The following RGS6 variants were observed in gnomAD, a reference collection of about 807,000 sequenced individuals.
The protein encoded by RGS6 is regulator of G-protein signaling 6.
RGS6 carries 30 observed loss-of-function variants against 78.5 expected under a neutral mutation model. The observed-to-expected ratio is 0.38, with a 90% CI of 0.29 to 0.52. RGS6 has a LOEUF of 0.52. Ranked by LOEUF, RGS6 falls within the 20% of genes least tolerant of loss-of-function variation. The pLI is 0.85. For missense variants in RGS6, 495 were observed against 609.7 expected, an observed-to-expected ratio of 0.81 and a Z score of 1.98; for synonymous variants, 206 against 206.0, an observed-to-expected ratio of 1.00 and a Z score of 0.00.
chr14:72,162,750 G>A (rs2096870422), intron 2 of RGS6, among the ~76,000 whole-genome samples: 1 of 151,924 alleles, frequency 6.6e-6, no homozygotes, highest in African/African-American at 2.4e-5. Flanking sequence ...CAGTCCAAAT[G>A]CCCATCAATC....
intron 3 of RGS6, among the ~76,000 whole-genome samples, chr14:72,370,284 C>T (rs1343635931): frequency 6.6e-6 from 1 of 152,136 alleles, no homozygotes; most frequent in Non-Finnish European, 1.5e-5. Context: ...GCCCTGGGGA[C>T]ATTTGGTAAT....
chr14:72,032,664 C>A (rs1012305891), intron 2 of RGS6, among the ~76,000 whole-genome samples: 1 of 152,050 alleles, frequency 6.6e-6, no homozygotes, highest in African/African-American at 2.4e-5. Flanking sequence ...TCTAAAATTT[C>A]GACTACTTAA....
Position 72,281,704 on chromosome 14 carries a change from T to C in RGS6, c.85-70391T>C, listed in dbSNP as rs141863876. The stretch of plus-strand genomic sequence containing the variant: ...CTCTGAAAATCTGGAGGAAGCCCTT[T>C]CTAGGAGAAGGAACACACAAGCAAA... On this transcript the variant is annotated intron_variant, in intron 2 of 17. Transcript: ENST00000553525. 4.5e-3 allele frequency among the ~76,000 whole-genome samples: 688 copies of C among 152,250 alleles called. 6 individuals carry two copies. The highest frequency in any genetic ancestry group is 0.016 in the African/African-American group (665 of 41,536).
intron 17 of RGS6, among the ~76,000 whole-genome samples, chr14:72,552,236 T>G (rs1046601383): frequency 4.6e-5 from 7 of 152,222 alleles, no homozygotes; most frequent in Non-Finnish European, 8.8e-5. Flanking sequence ...ATTTTTAAAG[T>G]CAACTCAGAG....
intron 2 of RGS6, among the ~76,000 whole-genome samples, chr14:72,146,734 T>C (rs2096611816): frequency 2.0e-5 from 3 of 152,232 alleles, no homozygotes; most frequent in African/African-American, 7.2e-5. Flanking sequence ...ACATGCTTTT[T>C]TCATTCTTTA....
the RGS6 span, among the ~76,000 whole-genome samples, chr14:71,893,492 CA>C: frequency 6.6e-6 from 1 of 152,132 alleles, no homozygotes; most frequent in Admixed American, 6.6e-5. Context: ...GCTTTGTCAT[CA>C]AAAGACCACC....
chr14:72,471,218 A>AT (rs963770557), intron 8 of RGS6, among the ~76,000 whole-genome samples: 10 of 152,220 alleles, frequency 6.6e-5, no homozygotes, highest in Admixed American at 2.6e-4. Flanking sequence ...TTTTTCCCAG[A>AT]TTTTTTTCTC....
At chr14:71,964,485 A>T (rs904678248) in intron 1 of RGS6, among the ~76,000 whole-genome samples, 1 of 152,170 alleles carries the variant, frequency 6.6e-6, no homozygotes, top group Non-Finnish European at 1.5e-5. Flanking sequence ...TAGCCTGGGC[A>T]ATAAGAGCGA....
At chr14:72,572,210 G>T in the RGS6 span, among the ~76,000 whole-genome samples, 2 of 152,164 alleles carry the variant, frequency 1.3e-5, no homozygotes, top group African/African-American at 4.8e-5. Context: ...GTAAAATGCT[G>T]CAGCCGCTTT....
intron 2 of RGS6, among the ~76,000 whole-genome samples, chr14:72,052,971 TTCTTTCTTTCTTTCTCTCTC>T (rs1363307388): frequency 4.2e-4 from 21 of 50,540 alleles, no homozygotes; most frequent in African/African-American, 2.2e-3. Flanking sequence ...CTTTCTTTCT[TTCTTTCTTTCTTTCTCTCTC>T]TCTCTCTCTC....
the RGS6 span, among the ~76,000 whole-genome samples, chr14:71,881,430 G>T: frequency 1.3e-5 from 2 of 152,198 alleles, no homozygotes; most frequent in Non-Finnish European, 2.9e-5. Flanking sequence ...ATCTTGTATT[G>T]TAGCTCCCAT....
intron 2 of RGS6, among the ~76,000 whole-genome samples, chr14:72,022,205 T>C (rs144149501): frequency 6.6e-6 from 1 of 152,312 alleles, no homozygotes; most frequent in East Asian, 1.9e-4. Flanking sequence ...CTCCACCATG[T>C]CTTTGCTATT....
the RGS6 span, among the ~76,000 whole-genome samples, chr14:71,915,256 CAA>C: frequency 8.0e-6 from 1 of 125,282 alleles, no homozygotes; most frequent in African/African-American, 2.9e-5. Flanking sequence ...GACTCCTTGT[CAA>C]AAAAAAAAAA....
chr14:72,088,782 TC>T (rs1426637150), intron 2 of RGS6, among the ~76,000 whole-genome samples: 1 of 152,024 alleles, frequency 6.6e-6, no homozygotes, highest in East Asian at 1.9e-4. Flanking sequence ...TATGTTCCCC[TC>T]CTCATCATGC....
chr14:72,189,255 AG>A (rs2097292137), intron 2 of RGS6, among the ~76,000 whole-genome samples: 1 of 152,228 alleles, frequency 6.6e-6, no homozygotes, highest in Admixed American at 6.5e-5. Context: ...TGAACACCAA[AG>A]TGGGCAGTTC....
chr14:72,219,865 G>T lies in RGS6; in HGVS notation c.85-132230G>T, dbSNP rs550343468. On this transcript the variant is annotated intron_variant, in intron 2 of 17. Transcript: ENST00000553525. Reference sequence around the variant, plus strand: ...CAGAATGTTTTTGTTTCTAGTGTTAGGCAGGGGTCTATGTTCATTTTTTTT... The same window carrying T: ...CAGAATGTTTTTGTTTCTAGTGTTATGCAGGGGTCTATGTTCATTTTTTTT... 3.4e-4 allele frequency among the ~76,000 whole-genome samples: 52 copies of T among 152,200 alleles called. 1 individual carries two copies. Among genetic ancestry groups the T allele is most frequent in the Non-Finnish European group, 6.0e-4 (41 of 68,010 alleles).
intron 2 of RGS6, among the ~76,000 whole-genome samples, chr14:72,096,276 G>C (rs2283419): frequency 0.36 from 51,503 of 143,368 alleles, 9,630 homozygotes; most frequent in Admixed American, 0.41. Flanking sequence ...GTGAGACTCT[G>C]TCTTAAAAAA....
At chr14:72,315,984 A>G (rs2070072018) in intron 2 of RGS6, among the ~76,000 whole-genome samples, 1 of 152,194 alleles carries the variant, frequency 6.6e-6, no homozygotes, top group Non-Finnish European at 1.5e-5. Flanking sequence ...GGGTAGCCCA[A>G]ATACACAGTT....
chr14:72,071,727 CAGAAT>C (rs1425382258), intron 2 of RGS6, among the ~76,000 whole-genome samples: 1 of 152,118 alleles, frequency 6.6e-6, no homozygotes, highest in East Asian at 1.9e-4. Context: ...CTAGTAGACT[CAGAAT>C]AGAAATTAGC....
Sources: gnomAD v4.1 joint callset for allele counts (sites outside exome capture counted in the v4.1 genomes callset) on GRCh38, gnomAD v4.1.1 for gene constraint, MANE v1.5 for transcripts, NCBI Gene and HGNC (gene_info 2026-07-23, HGNC 2026-07-21) for gene names.